The following TACR1 variants were observed in gnomAD, a reference collection of about 807,000 sequenced individuals.
TACR1 encodes tachykinin receptor 1, also known as substance-P receptor.
TACR1 carries 25 observed loss-of-function variants against 35.8 expected under a neutral mutation model. The ratio of observed to expected loss-of-function variants is 0.70; its 90% confidence interval spans 0.51 to 0.98. The LOEUF (loss-of-function observed/expected upper bound fraction) is 0.98, where lower values mean the gene tolerates loss of function less well. Among genes scored for constraint, TACR1 ranks in the 50% least tolerant of loss-of-function variants. TACR1 has a pLI of 0.00. For synonymous variants in TACR1, 195 were observed against 206.7 expected, an observed-to-expected ratio of 0.94 and a Z score of 0.48; for missense variants, 478 against 522.9, an observed-to-expected ratio of 0.91 and a Z score of 0.84.
chr2:75,161,794 A>G (rs1202410017), intron 1 of TACR1, among the ~76,000 whole-genome samples: 1 of 152,124 alleles, frequency 6.6e-6, no homozygotes, highest in Non-Finnish European at 1.5e-5. Flanking sequence ...GAAAAACCAT[A>G]TGGACTTCCT....
chr2:75,101,212 C>A (rs1673528600), intron 2 of TACR1, among the ~76,000 whole-genome samples: 1 of 152,006 alleles, frequency 6.6e-6, no homozygotes, highest in Non-Finnish European at 1.5e-5. Flanking sequence ...GCAATCCTAG[C>A]TTCTAATAAG....
chr2:75,195,408 C>T (rs56863063), intron 1 of TACR1, among the ~76,000 whole-genome samples: 3 of 150,330 alleles, frequency 2.0e-5, no homozygotes, highest in Non-Finnish European at 3.0e-5. Context: ...CCTTTCCCCC[C>T]ATCCCTTTTT....
At chr2:75,106,885 A>G (rs1673655588) in intron 2 of TACR1, among the ~76,000 whole-genome samples, 1 of 151,836 alleles carries the variant, frequency 6.6e-6, no homozygotes, top group Non-Finnish European at 1.5e-5. Context: ...AAATGATGAA[A>G]GAAGACCAAC....
chr2:75,069,088 A>G (rs1329418246), intron 2 of TACR1, among the ~76,000 whole-genome samples: 1 of 152,028 alleles, frequency 6.6e-6, no homozygotes, highest in Non-Finnish European at 1.5e-5. Context: ...ACGAGATGTG[A>G]TGGTTTTATA....
intron 1 of TACR1, among the ~76,000 whole-genome samples, chr2:75,125,155 ATTTTCTTTTC>A (rs1174867728): frequency 1.3e-4 from 20 of 149,808 alleles, no homozygotes; most frequent in Admixed American, 1.3e-3. Context: ...TTTATTTTCT[ATTTTCTTTTC>A]TTTTCTTTTT....
chr2:75,171,918 T>C (rs929586850), intron 1 of TACR1, among the ~76,000 whole-genome samples: 1 of 152,196 alleles, frequency 6.6e-6, no homozygotes, highest in African/African-American at 2.4e-5. Context: ...CTGTGTTTTT[T>C]TGAGCTAATG....
At chr2:75,086,523 G>A (rs189056098) in intron 2 of TACR1, among the ~76,000 whole-genome samples, 58 of 152,238 alleles carry the variant, frequency 3.8e-4, no homozygotes, top group African/African-American at 1.3e-3. Context: ...AATGAACCAG[G>A]TTGGGGAGTC....
intron 1 of TACR1, among the ~76,000 whole-genome samples, chr2:75,164,779 C>A (rs1675100556): frequency 1.3e-5 from 2 of 152,224 alleles, no homozygotes; most frequent in African/African-American, 4.8e-5. Context: ...TCCTGTCTCA[C>A]CATGCCCACT....
rs183872022 is a variant in TACR1 at position 75,091,081 on chromosome 2, C to T, written c.584+29493G>A. Among the ~76,000 whole-genome samples the T allele has an allele frequency of 1.6e-3, 235 of 151,326 alleles. 1 individual carries two copies. The highest frequency in any genetic ancestry group is 5.4e-3 in the African/African-American group (222 of 41,270). On this transcript the variant is annotated intron_variant, in intron 2 of 4. Coordinates refer to ENST00000305249, the MANE Select transcript of TACR1 (RefSeq NM_001058.4). ...CAAGATATAACCTTCATTCTTGGCT[C>T]GGTTTGCATCAATTCTACCTCCTTC...
chr2:75,184,689 CAA>C (rs1481882780), intron 1 of TACR1, among the ~76,000 whole-genome samples: 1 of 150,264 alleles, frequency 6.7e-6, no homozygotes, highest in African/African-American at 2.4e-5. Flanking sequence ...CATTAGCAAC[CAA>C]AAAAGTTAAA....
intron 1 of TACR1, among the ~76,000 whole-genome samples, chr2:75,167,004 A>T (rs956362141): frequency 2.6e-5 from 4 of 152,342 alleles, no homozygotes; most frequent in African/African-American, 7.2e-5. Flanking sequence ...TTGGATTTTT[A>T]AAAAATATGC....
chr2:75,181,720 T>A lies in TACR1; in HGVS notation c.389+16826A>T, dbSNP rs895714786. Among the ~76,000 whole-genome samples, 55 of 152,306 alleles carry A rather than the reference T, an allele frequency of 3.6e-4. 1 individual carries two copies. Among genetic ancestry groups the A allele is most frequent in the Non-Finnish European group, 6.3e-4 (43 of 68,016 alleles). On this transcript the variant is annotated intron_variant, in intron 1 of 4. Coordinates refer to ENST00000305249, the MANE Select transcript of TACR1 (RefSeq NM_001058.4). ...GTTGTGATTTTATGTTTCTTCCCTT[T>A]TTGTTTTAGTTTTATTCATGGATAA...
intron 1 of TACR1, among the ~76,000 whole-genome samples, chr2:75,178,713 C>T (rs747812381): frequency 1.3e-5 from 2 of 152,082 alleles, no homozygotes; most frequent in Non-Finnish European, 2.9e-5. Context: ...AGTCTTGGTC[C>T]TCATTTTACT....
At chr2:75,161,366 A>G (rs1398571304) in intron 1 of TACR1, among the ~76,000 whole-genome samples, 2 of 152,266 alleles carry the variant, frequency 1.3e-5, no homozygotes, top group African/African-American at 2.4e-5. Flanking sequence ...AATATACAGC[A>G]TAATATTTAA....
At chr2:75,063,687 C>G (rs1283849104) in intron 2 of TACR1, among the ~76,000 whole-genome samples, 1 of 152,194 alleles carries the variant, frequency 6.6e-6, no homozygotes, top group African/African-American at 2.4e-5. Context: ...ACCATCTCAA[C>G]TTTTATGACT....
At chr2:75,131,288 C>T (rs145148659) in intron 1 of TACR1, among the ~76,000 whole-genome samples, 3,890 of 152,074 alleles carry the variant, frequency 0.026, 166 homozygotes, top group African/African-American at 0.086. Flanking sequence ...CTGGGTTTCA[C>T]TGTGTTAGCC....
intron 2 of TACR1, among the ~76,000 whole-genome samples, chr2:75,081,473 A>G (rs140144578): frequency 6.5e-4 from 99 of 152,248 alleles, no homozygotes; most frequent in African/African-American, 1.8e-3. Context: ...CTTCCATTGG[A>G]TTAGTCTCTC....
chr2:75,161,348 A>G (rs1389341877), intron 1 of TACR1, among the ~76,000 whole-genome samples: 4 of 152,134 alleles, frequency 2.6e-5, no homozygotes, highest in African/African-American at 9.6e-5. Flanking sequence ...ATAGCTCTTT[A>G]AAGAGAAAAT....
intron 1 of TACR1, among the ~76,000 whole-genome samples, chr2:75,144,142 G>A (rs1306763867): frequency 1.3e-5 from 2 of 152,244 alleles, no homozygotes; most frequent in East Asian, 1.9e-4. Flanking sequence ...GACTCCATGG[G>A]GCCACTACTG....
Sources: gnomAD v4.1 joint callset for allele counts (sites outside exome capture counted in the v4.1 genomes callset) on GRCh38, gnomAD v4.1.1 for gene constraint, MANE v1.5 for transcripts, NCBI Gene and HGNC (gene_info 2026-07-23, HGNC 2026-07-21) for gene names.